LYRM4: variants seen among roughly 807,000 people sequenced by gnomAD.
The protein encoded by LYRM4 is LYR motif containing 4.
LYRM4 carries 9 observed loss-of-function variants against 11.7 expected under a neutral mutation model. The observed-to-expected ratio is 0.77, with a 90% CI of 0.46 to 1.34. LYRM4 has a LOEUF of 1.34. Ranked by LOEUF, LYRM4 falls within the 40% of genes most tolerant of loss-of-function variation. LYRM4 has a pLI of 0.00. For missense variants in LYRM4, 133 were observed against 112.5 expected (o/e 1.18, Z -0.82); for synonymous variants, 42 against 40.4 (o/e 1.04, Z -0.15).
chr6:5,143,218 A>AGTGGAGTCTGCTGCCGT (rs58528949), intron 2 of LYRM4, among the ~76,000 whole-genome samples: 1 of 151,826 alleles, frequency 6.6e-6, no homozygotes, highest in Non-Finnish European at 1.5e-5. Flanking sequence ...CTTCTGTGTG[A>AGTGGAGTCTGCTGCCGT]GTCAGCACAC....
At chr6:5,053,655 G>GA in the LYRM4 span, among the ~76,000 whole-genome samples, 10 of 151,466 alleles carry the variant, frequency 6.6e-5, no homozygotes, top group African/African-American at 2.4e-4. Context: ...AAGAAAGAAA[G>GA]AAAGAAAAGA....
the LYRM4 span, among the ~76,000 whole-genome samples, chr6:5,062,384 G>A: frequency 1.7e-4 from 25 of 151,214 alleles, no homozygotes; most frequent in African/African-American, 5.6e-4. Context: ...GGCTGGTCTC[G>A]AACTCCTGGC....
intron 2 of LYRM4, chr6:5,144,366 G>T: frequency 7.6e-7 from 1 of 1,317,134 alleles, no homozygotes. Context: ...GGCCGGGTGC[G>T]GTGGCTGAAG....
At chr6:5,050,288 T>C in the LYRM4 span, among the ~76,000 whole-genome samples, 1 of 152,262 alleles carries the variant, frequency 6.6e-6, no homozygotes, top group South Asian at 2.1e-4. Flanking sequence ...GCTATGCATG[T>C]GTGCCTGAGG....
At chr6:5,085,667 CGAAG>C in the LYRM4 span, 1 of 1,548,446 alleles carries the variant, frequency 6.5e-7, no homozygotes, top group East Asian at 2.5e-5. Flanking sequence ...CCCCTGTCCC[CGAAG>C]GAAGAGGCCG....
At chr6:5,066,325 A>G in the LYRM4 span, 1 of 719,040 alleles carries the variant, frequency 1.4e-6, no homozygotes, top group South Asian at 1.4e-5. Flanking sequence ...TATTCGTCCA[A>G]ATTTATATCT....
At chr6:5,121,855 C>A (rs989206679) in intron 2 of LYRM4, among the ~76,000 whole-genome samples, 12 of 152,198 alleles carry the variant, frequency 7.9e-5, no homozygotes, top group African/African-American at 2.9e-4. Context: ...CTACAATTAG[C>A]TACAAGGTGA....
chr6:5,128,383 C>T (rs961061483), intron 2 of LYRM4, among the ~76,000 whole-genome samples: 7 of 152,126 alleles, frequency 4.6e-5, no homozygotes, highest in South Asian at 2.1e-4. Context: ...CCTGTGGCCT[C>T]GTAGATACAA....
chr6:5,204,221 C>T (rs1007223593), intron 2 of LYRM4, among the ~76,000 whole-genome samples: 1 of 152,160 alleles, frequency 6.6e-6, no homozygotes, highest in African/African-American at 2.4e-5. Context: ...GTTCCACAGT[C>T]TCCTTTCATC....
chr6:5,260,058 G>T (rs1764926044), intron 1 of LYRM4, among the ~76,000 whole-genome samples: 1 of 152,198 alleles, frequency 6.6e-6, no homozygotes, highest in East Asian at 1.9e-4. Context: ...TCTCTGTCTG[G>T]TGAGCCAGGA....
intron 2 of LYRM4, among the ~76,000 whole-genome samples, chr6:5,111,131 T>G (rs1196041030): frequency 1.3e-5 from 2 of 152,250 alleles, no homozygotes; most frequent in East Asian, 3.9e-4. Context: ...CATGGTTTTG[T>G]TTTCATATAT....
At chr6:5,236,648 T>TA (rs1445028413) in intron 1 of LYRM4, among the ~76,000 whole-genome samples, 3 of 151,626 alleles carry the variant, frequency 2.0e-5, no homozygotes, top group Admixed American at 6.6e-5. Context: ...ATAATCCCTC[T>TA]AAAAAAATCT....
Position 5,130,805 on chromosome 6 carries a change from C to G in LYRM4, c.208-21314G>C, listed in dbSNP as rs542541911. On this transcript the variant is annotated intron_variant, in intron 2 of 2. Transcript: ENST00000330636. ...TATGCTTCTAATTATAAACATTGGG[C>G]TACAGAAGACAGTCATTAAGGGCAC... is the stretch of plus-strand genomic sequence containing the variant. Among the ~76,000 whole-genome samples the G allele has an allele frequency of 2.2e-4, 33 of 151,976 alleles. No homozygotes were observed. The Middle Eastern group carries it at 0.01, about 47-fold the overall frequency.
At chr6:5,181,491 A>C (rs932528223) in intron 2 of LYRM4, among the ~76,000 whole-genome samples, 1 of 152,200 alleles carries the variant, frequency 6.6e-6, no homozygotes, top group Non-Finnish European at 1.5e-5. Flanking sequence ...CAAAGAAAAC[A>C]AAACAAGACC....
chr6:5,076,708 A>C, the LYRM4 span, among the ~76,000 whole-genome samples: 1 of 152,226 alleles, frequency 6.6e-6, no homozygotes, highest in Non-Finnish European at 1.5e-5. Flanking sequence ...GGCTGCTAGC[A>C]GCATTCTGAG....
the LYRM4 span, among the ~76,000 whole-genome samples, chr6:5,068,764 C>A: frequency 2.0e-5 from 3 of 151,860 alleles, no homozygotes; most frequent in Non-Finnish European, 2.9e-5. This position sits in a 1 kb window ranked among gnomAD's most constrained non-coding sequence, Gnocchi z 4.0. Context: ...GCACATGTAC[C>A]CTAGAACTTA....
At chr6:5,246,785 G>T (rs1257009111) in intron 1 of LYRM4, among the ~76,000 whole-genome samples, 5 of 152,156 alleles carry the variant, frequency 3.3e-5, no homozygotes, top group Non-Finnish European at 7.4e-5. Flanking sequence ...ATGTACCTTG[G>T]AAGGGCCCTC....
At chr6:5,241,768 A>T (rs770844589) in intron 1 of LYRM4, among the ~76,000 whole-genome samples, 3 of 152,224 alleles carry the variant, frequency 2.0e-5, no homozygotes, top group Non-Finnish European at 4.4e-5. Context: ...TATGGTTCGC[A>T]GGCATATGTT....
chr6:5,124,686 C>A (rs1248623547), intron 2 of LYRM4, among the ~76,000 whole-genome samples: 1 of 152,188 alleles, frequency 6.6e-6, no homozygotes, highest in Non-Finnish European at 1.5e-5. Context: ...AGGGGCGGGC[C>A]CTCCAACCAG....
Sources: allele counts gnomAD v4.1 joint callset (sites outside exome capture counted in the v4.1 genomes callset), GRCh38; gene constraint gnomAD v4.1.1; non-coding constraint Gnocchi (gnomAD v3.1); transcripts MANE v1.5; gene names NCBI Gene and HGNC (gene_info 2026-07-23, HGNC 2026-07-21).